The following CDH23 variants were observed in gnomAD, a reference collection of about 807,000 sequenced individuals.
The protein encoded by CDH23 is cadherin related 23, also known as cadherin-23.
A neutral mutation model predicts 317.1 loss-of-function variants in CDH23; 189 were observed. That is an observed-to-expected ratio of 0.60 (90% CI 0.53 to 0.67). The LOEUF is 0.67. Among genes scored for constraint, CDH23 ranks in the 30% least tolerant of loss-of-function variants. The pLI is 0.00. For missense variants in CDH23, 4,401 were observed against 4,592.4 expected (o/e 0.96, Z 1.20); for synonymous variants, 1,839 against 1,876.8 (o/e 0.98, Z 0.52).
intron 60 of CDH23, 129 bp downstream of exon 60, chr10:71,808,136 C>A: frequency 9.3e-7 from 1 of 1,078,000 alleles, no homozygotes; most frequent in Non-Finnish European, 1.3e-6. Flanking sequence ...CCAGCCACAC[C>A]AATCCTATTC....
chr10:71,619,925 C>T (rs1861383518), intron 11 of CDH23, among the ~76,000 whole-genome samples: 1 of 152,140 alleles, frequency 6.6e-6, no homozygotes, highest in Non-Finnish European at 1.5e-5. Flanking sequence ...AAGTAATGAG[C>T]CTCACTTTGT....
intron 9 of CDH23, among the ~76,000 whole-genome samples, chr10:71,579,125 G>A (rs1360299586): frequency 6.6e-6 from 1 of 152,194 alleles, no homozygotes; most frequent in Non-Finnish European, 1.5e-5. Context: ...AAAGTACCAC[G>A]TAAGTGTTAG....
intron 14 of CDH23, among the ~76,000 whole-genome samples, chr10:71,667,442 A>G (rs1227594872): frequency 1.3e-5 from 2 of 151,472 alleles, no homozygotes; most frequent in Admixed American, 1.3e-4. Context: ...CTCTGAGTAG[A>G]GTCTACCTGA....
Position 71,659,968 on chromosome 10 carries a change from T to G in CDH23, c.1449+13351T>G, listed in dbSNP as rs1428437644. On this transcript the variant is annotated intron_variant, in intron 14 of 69. Transcript: ENST00000224721. ...TTCTTTTCTTTCTTTCCGTTTTTTTTTTTTTTTTTTTTAGACGGAGCCTCG... is the reference window on the plus strand; with the variant it reads ...TTCTTTTCTTTCTTTCCGTTTTTTTGTTTTTTTTTTTTAGACGGAGCCTCG... Among the ~76,000 whole-genome samples, 4 of 149,458 alleles carry G rather than the reference T, an allele frequency of 2.7e-5. No homozygotes were observed. The East Asian group carries it at 5.8e-4, about 22-fold the overall frequency.
chr10:71,740,172 G>A (rs1839694870), intron 36 of CDH23, among the ~76,000 whole-genome samples: 1 of 152,230 alleles, frequency 6.6e-6, no homozygotes, highest in Middle Eastern at 3.2e-3. Context: ...GGCCTGCCCT[G>A]TGGAGGGAAG....
rs754122678 is a variant in CDH23 at position 71,712,695 on chromosome 10, G to A, written c.3251G>A (p.Gly1084Asp). Residue 1084 changes from glycine to aspartate, a missense_variant, in exon 28 of 70, where the codon GGC becomes GAC. By Grantham distance (94) the Gly-to-Asp change is moderately conservative. Coordinates refer to ENST00000224721, the MANE Select transcript of CDH23 (RefSeq NM_022124.6). ...DNGPVGKRHTGTATVFVTVLD... is the reference protein window; with the variant it reads ...DNGPVGKRHTDTATVFVTVLD... ...GGCCCTGTAGGGAAGCGACACACGG[G>A]CACAGCCACCGTGTTCGTCACTGTC... 4 of 1,613,658 alleles carry A rather than the reference G, an allele frequency of 2.5e-6. No homozygotes were observed. Among genetic ancestry groups the A allele is most frequent in the East Asian group, 2.2e-5 (1 of 44,872 alleles).
intron 9 of CDH23, among the ~76,000 whole-genome samples, chr10:71,605,333 T>A (rs558136723): frequency 6.6e-6 from 1 of 152,148 alleles, no homozygotes; most frequent in African/African-American, 2.4e-5. Flanking sequence ...TGGTTCTTCA[T>A]TGGGGCGATT....
chr10:71,466,659 G>T (rs773315925), intron 3 of CDH23, among the ~76,000 whole-genome samples: 1 of 152,164 alleles, frequency 6.6e-6, no homozygotes. Flanking sequence ...TTGTGTGTAT[G>T]TGCATATGTG....
intron 3 of CDH23, among the ~76,000 whole-genome samples, chr10:71,487,402 G>C (rs1406096850): frequency 6.6e-6 from 1 of 152,070 alleles, no homozygotes; most frequent in Non-Finnish European, 1.5e-5. Context: ...TGTTGTTCAA[G>C]GGTCAGCTGT....
intron 3 of CDH23, among the ~76,000 whole-genome samples, chr10:71,456,684 G>A (rs1446836782): frequency 6.6e-6 from 1 of 152,260 alleles, no homozygotes; most frequent in African/African-American, 2.4e-5. Context: ...ATGCACATTA[G>A]AGATAACTGG....
intron 66 of CDH23, 176 bp downstream of exon 66, chr10:71,812,191 CAG>C (rs1800499949): frequency 5.7e-6 from 9 of 1,583,136 alleles, no homozygotes; most frequent in South Asian, 1.1e-5. Context: ...ACGTGGCTGA[CAG>C]GGGCTCTCCA....
At chr10:71,515,418 A>G (rs911281009) in intron 6 of CDH23, among the ~76,000 whole-genome samples, 1 of 148,474 alleles carries the variant, frequency 6.7e-6, no homozygotes, top group Non-Finnish European at 1.5e-5. Flanking sequence ...ACACACACAC[A>G]CGCACACATA....
At chr10:71,713,307 G>C in intron 28 of CDH23, 1 of 778,822 alleles carries the variant, frequency 1.3e-6, no homozygotes, top group Non-Finnish European at 2.4e-6. Flanking sequence ...GGGAGAGAAG[G>C]GAGGACCCTG....
intron 14 of CDH23, among the ~76,000 whole-genome samples, chr10:71,655,246 G>T (rs1382163231): frequency 6.6e-6 from 1 of 152,160 alleles, no homozygotes; most frequent in Non-Finnish European, 1.5e-5. Context: ...AAGCCTTCTA[G>T]ACCTGGGTTG....
At chr10:71,729,982 C>T (rs966311069) in intron 30 of CDH23, among the ~76,000 whole-genome samples, 15 of 151,908 alleles carry the variant, frequency 9.9e-5, no homozygotes, top group Non-Finnish European at 2.2e-4. Flanking sequence ...CTACAGGCGC[C>T]CGCCACCACG....
chr10:71,814,972 CGAG>C lies in CDH23; in HGVS notation c.9763_9765del (p.Glu3255del). 3 of 1,611,896 alleles carry C rather than the reference CGAG, an allele frequency of 1.9e-6. No individual in the cohort carries two copies. The highest frequency in any genetic ancestry group is 2.5e-6 in the Non-Finnish European group (3 of 1,179,318). ...TGCAGCTGATACAGACTGAGCTGGA[CGAG>C]GAGCCAGGAGACCACAGCCCAGGGC... On this transcript the variant is annotated inframe_deletion, in exon 70 of 70. Transcript: ENST00000224721.
In CDH23 at chr10:71,703,610, C is replaced by T. The variant is rs558662325; in HGVS notation, c.2733+916C>T. Among the ~76,000 whole-genome samples the T allele has an allele frequency of 2.6e-5, 4 of 152,322 alleles. No homozygotes were observed. In the South Asian group the frequency reaches 6.2e-4, roughly 24 times the overall value. On this transcript the variant is annotated intron_variant, in intron 24 of 69. Transcript: ENST00000224721. ...GACACAATGGCTGTATCAGGTTAGC[C>T]TGTTCTCATTAGAAGAAGATGGGGT...
intron 28 of CDH23, 57 bp downstream of exon 28, chr10:71,712,870 A>T: frequency 6.3e-7 from 1 of 1,577,288 alleles, no homozygotes; most frequent in African/African-American, 1.3e-5. Flanking sequence ...GGAGCCACAC[A>T]CGGCCCTGAG....
chr10:71,677,076 T>C (rs1864401683), intron 15 of CDH23, among the ~76,000 whole-genome samples: 1 of 152,206 alleles, frequency 6.6e-6, no homozygotes, highest in Admixed American at 6.5e-5. Flanking sequence ...CCAGCTGCTT[T>C]CTGCCCATTC....
Sources: allele counts gnomAD v4.1 joint callset (sites outside exome capture counted in the v4.1 genomes callset), GRCh38; gene constraint gnomAD v4.1.1; transcripts MANE v1.5; gene names NCBI Gene and HGNC (gene_info 2026-07-23, HGNC 2026-07-21).